The following DOCK5 variants were observed in gnomAD, a reference collection of about 807,000 sequenced individuals.
The protein encoded by DOCK5 is dedicator of cytokinesis 5.
In DOCK5, 142 loss-of-function variants were observed where a neutral mutation model predicts 251.8. The ratio of observed to expected loss-of-function variants is 0.56; its 90% CI spans 0.49 to 0.65. The LOEUF is 0.65. DOCK5 is among the 30% of genes least tolerant of loss of function. The pLI, the probability that DOCK5 is intolerant of heterozygous loss-of-function variation, is 0.00. For synonymous variants in DOCK5, 842 were observed against 835.5 expected, an observed-to-expected ratio of 1.01 and a Z score of -0.13; for missense variants, 2,111 against 2,312.3, an observed-to-expected ratio of 0.91 and a Z score of 1.79.
intron 18 of DOCK5, among the ~76,000 whole-genome samples, chr8:25,327,700 T>G (rs948363833): frequency 6.6e-6 from 1 of 152,148 alleles, no homozygotes; most frequent in African/African-American, 2.4e-5. Context: ...CCCAGACACA[T>G]GTAGCTTGTA....
At chr8:25,306,659 A>G (rs1804943360) in intron 11 of DOCK5, among the ~76,000 whole-genome samples, 1 of 151,982 alleles carries the variant, frequency 6.6e-6, no homozygotes, top group African/African-American at 2.4e-5. Flanking sequence ...ACGCCACTGC[A>G]CTCCAGCCTC....
intron 13 of DOCK5, among the ~76,000 whole-genome samples, chr8:25,314,768 C>T (rs1805198546): frequency 1.4e-5 from 2 of 143,614 alleles, no homozygotes; most frequent in African/African-American, 5.1e-5. Context: ...CATCCATCCA[C>T]CCACCTATCC....
intron 1 of DOCK5, among the ~76,000 whole-genome samples, chr8:25,192,239 A>C (rs1278604674): frequency 6.6e-6 from 1 of 151,998 alleles, no homozygotes; most frequent in African/African-American, 2.4e-5. Flanking sequence ...ATACATGTGC[A>C]TGTGTCTTTA....
At chr8:25,308,408 C>T (rs569342544) in intron 11 of DOCK5, among the ~76,000 whole-genome samples, 2 of 152,176 alleles carry the variant, frequency 1.3e-5, no homozygotes, top group South Asian at 4.1e-4. Flanking sequence ...TCTTGCAGAG[C>T]TCACTATCAA....
At chr8:25,364,835 C>A in intron 30 of DOCK5, 131 bp downstream of exon 30, 1 of 668,908 alleles carries the variant, frequency 1.5e-6, no homozygotes, top group Non-Finnish European at 2.5e-6. Context: ...TTTTTCATTT[C>A]CTAAAGCACA....
At chr8:25,195,840 C>A (rs73556401) in intron 1 of DOCK5, among the ~76,000 whole-genome samples, 21,805 of 152,168 alleles carry the variant, frequency 0.14, 2,538 homozygotes, top group African/African-American at 0.33. Context: ...GACACGAACT[C>A]TTTTTCATCA....
At position 25,408,095 on chromosome 8, in the gene DOCK5, G is replaced by T. The variant is rs774509784; in HGVS notation, c.5206G>T (p.Asp1736Tyr). ...CCGGATCAGCAAGTTTAAGAGAAAA[G>T]ACTGGAGTCTGAGCAAGTCCCAGGT... Reference protein sequence around the residue: ...ENRISKFKRKDWSLSKSQVIA... With the variant: ...ENRISKFKRKYWSLSKSQVIA... The change falls in exon 49 of 52, where the codon GAC becomes TAC. Residue 1736 changes from aspartate to tyrosine, a missense_variant. By Grantham distance (160) the Asp-to-Tyr change is radical. Transcript: ENST00000276440. 3.1e-6 allele frequency: 5 copies of T among 1,602,126 alleles called. No homozygotes were observed. The highest frequency in any genetic ancestry group is 4.3e-6 in the Non-Finnish European group (5 of 1,174,248).
At chr8:25,282,507 AT>A (rs1280024693) in intron 5 of DOCK5, among the ~76,000 whole-genome samples, 2 of 152,072 alleles carry the variant, frequency 1.3e-5, no homozygotes, top group East Asian at 3.9e-4. Flanking sequence ...TACTTGTATT[AT>A]TTCTCTCTTG....
intron 1 of DOCK5, 47 bp from the exon 2 acceptor site, chr8:25,243,627 C>A: frequency 3.2e-6 from 5 of 1,568,000 alleles, no homozygotes; most frequent in Non-Finnish European, 4.3e-6. Flanking sequence ...CCGTGCCCAG[C>A]CAAGTGACAT....
At chr8:25,328,852 C>T (rs1442013437) in intron 18 of DOCK5, among the ~76,000 whole-genome samples, 1 of 152,176 alleles carries the variant, frequency 6.6e-6, no homozygotes, top group Non-Finnish European at 1.5e-5. Flanking sequence ...GGTTCATACT[C>T]AGTCAGTCAT....
At chr8:25,363,875 TC>T (rs531726424) in intron 29 of DOCK5, among the ~76,000 whole-genome samples, 37 of 152,336 alleles carry the variant, frequency 2.4e-4, no homozygotes, top group African/African-American at 8.2e-4. Flanking sequence ...AAGCGTCACC[TC>T]CAGAGGAAGC....
At chr8:25,299,700 A>G (rs971561503) in intron 8 of DOCK5, among the ~76,000 whole-genome samples, 9 of 152,196 alleles carry the variant, frequency 5.9e-5, no homozygotes, top group African/African-American at 2.2e-4. Flanking sequence ...CTGCTCTAAG[A>G]AAATAATGTC....
chr8:25,313,195 C>G (rs79534461), intron 13 of DOCK5, among the ~76,000 whole-genome samples: 1,655 of 152,210 alleles, frequency 0.011, 27 homozygotes, highest in African/African-American at 0.037. Flanking sequence ...CCCTGTACCC[C>G]CTTGCCCTCT....
chr8:25,279,447 T>C (rs115151836), intron 5 of DOCK5, among the ~76,000 whole-genome samples: 2,522 of 151,938 alleles, frequency 0.017, 74 homozygotes, highest in African/African-American at 0.054. Context: ...TCATCTCCAG[T>C]GTAGAAAGCT....
intron 34 of DOCK5, 75 bp from the exon 35 acceptor site, chr8:25,372,484 C>G (rs1026569241): frequency 7.0e-7 from 1 of 1,430,686 alleles, no homozygotes; most frequent in Non-Finnish European, 9.2e-7. Context: ...TGCTGAGACC[C>G]TGGTCAGTGC....
chr8:25,410,207 G>A lies in DOCK5; in HGVS notation c.5508+5G>A, dbSNP rs943178511. 6 of 1,612,404 alleles carry A rather than the reference G, an allele frequency of 3.7e-6. No individual in the cohort carries two copies. The highest frequency in any genetic ancestry group is 5.1e-6 in the Non-Finnish European group (6 of 1,179,006). ...AGCCAGAGGAACTCCACTGAGGTAG[G>A]GAAATCACAGCTGGCAACTGTGGCC... On this transcript the variant is annotated splice_donor_5th_base_variant and intron_variant, in intron 51 of 51. Coordinates refer to ENST00000276440, the MANE Select transcript of DOCK5 (RefSeq NM_024940.8).
chr8:25,368,017 C>T (rs1800808543), intron 31 of DOCK5, among the ~76,000 whole-genome samples, 175 bp from the exon 32 acceptor site: 1 of 152,178 alleles, frequency 6.6e-6, no homozygotes, highest in Admixed American at 6.5e-5. Flanking sequence ...GGTCCCCCGG[C>T]CTCTGTGCGC....
rs186309630 is a variant in DOCK5, at chr8:25,318,454, G to A, written c.1444-1124G>A. 6.9e-3 allele frequency among the ~76,000 whole-genome samples: 1,003 copies of A among 146,056 alleles called. 14 individuals carry two copies. Among genetic ancestry groups the A allele is most frequent in the African/African-American group, 0.023 (916 of 39,364 alleles). On this transcript the variant is annotated intron_variant, in intron 14 of 51. Transcript: ENST00000276440. ...TTTCTTTTTTTTTCTCTGTCTTTCC[G>A]CTCCCTTCCCTTCTCTCCTCTCCAC...
Position 25,351,816 on chromosome 8 carries a change from C to T in DOCK5, c.2840C>T (p.Ser947Phe). 2 of 1,613,640 alleles carry T rather than the reference C, an allele frequency of 1.2e-6. No homozygotes were observed. Among genetic ancestry groups the T allele is most frequent in the Non-Finnish European group, 1.7e-6 (2 of 1,179,728 alleles). The change falls in exon 27 of 52, where the codon TCT becomes TTT. Residue 947 changes from serine to phenylalanine, a missense_variant. By Grantham distance (155) the Ser-to-Phe change is radical. This residue lies in a region of DOCK5 where 1,717 missense variants were observed against 1,892.4 expected (regional missense o/e 0.91). Transcript: ENST00000276440. ...ACAGTGATTGGGATGAACCGGCAGT[C>T]TCCCCACATCGTGAGTATCTCTTTG... ...NRTVIGMNRQSPHIGSFVACM... is the reference protein window; with the variant it reads ...NRTVIGMNRQFPHIGSFVACM...
Sources: allele counts gnomAD v4.1 joint callset (sites outside exome capture counted in the v4.1 genomes callset), GRCh38; gene constraint gnomAD v4.1.1; regional missense constraint gnomAD v4.1.1; transcripts MANE v1.5; gene names NCBI Gene and HGNC (gene_info 2026-07-23, HGNC 2026-07-21).